The following TREML4 variants were observed in gnomAD, a reference collection of about 807,000 sequenced individuals.
TREML4 encodes the protein trem-like transcript 4 protein.
A neutral mutation model predicts 25.4 loss-of-function variants in TREML4; 25 were observed. The observed-to-expected ratio is 0.98, with a 90% CI of 0.72 to 1.37. The LOEUF is 1.37. TREML4 is among the 40% of genes most tolerant of loss of function. The pLI, the probability that TREML4 is intolerant of heterozygous loss-of-function variation, is 0.00. For missense variants in TREML4, 268 were observed against 236.5 expected (o/e 1.13, Z -0.87); for synonymous variants, 92 against 87.9 (o/e 1.05, Z -0.26).
At position 41,237,526 on chromosome 6, in the gene TREML4, A is replaced by G. The variant is rs112818527; in HGVS notation, c.*507A>G. On this transcript the variant is annotated 3_prime_UTR_variant, in exon 6 of 6. Transcript: ENST00000341495. ...TATGAATTTCCTCTTGTGCTTAATT[A>G]AATTCAACCTCTGAACTGAAATGTG... 2.3e-3 allele frequency: 348 copies of G among 152,338 alleles called. 2 individuals are homozygous for G. Among genetic ancestry groups the G allele is most frequent in the African/African-American group, 8.1e-3 (335 of 41,576 alleles). The allele number at this position is 152,338 out of a possible 1,614,324, so 9.4% of individuals were successfully genotyped here.
intron 5 of TREML4, among the ~76,000 whole-genome samples, 178 bp from the exon 6 acceptor site, chr6:41,236,877 T>C (rs1766915535): frequency 6.8e-6 from 1 of 147,584 alleles, no homozygotes; most frequent in South Asian, 2.1e-4. Context: ...AGGACAAAGC[T>C]GAGAGTGCCT....
At chr6:41,234,317 T>C (rs1353232678) in intron 4 of TREML4, among the ~76,000 whole-genome samples, 1 of 152,034 alleles carries the variant, frequency 6.6e-6, no homozygotes, top group Non-Finnish European at 1.5e-5. Context: ...AGGGAGTAAT[T>C]AGTACCTTTG....
At chr6:41,236,856 A>G (rs1459934749) in intron 5 of TREML4, among the ~76,000 whole-genome samples, 199 bp from the exon 6 acceptor site, 2 of 152,106 alleles carry the variant, frequency 1.3e-5, no homozygotes, top group African/African-American at 2.4e-5. Context: ...CCTGAGAGGA[A>G]AAAGACCAGG....
rs199833572 is a variant in TREML4, at chr6:41,229,547, C to G, written c.421C>G (p.Leu141Val). 2 of 1,613,950 alleles carry G rather than the reference C, an allele frequency of 1.2e-6. No homozygotes were observed. The highest frequency in any genetic ancestry group is 2.7e-5 in the African/African-American group (2 of 75,008). ...CCCAACCACGTCTCCTATGTGGACT[C>G]TTCCCTGGCTCCCAACAAGCACAGG... Reference protein sequence around the residue: ...PAPTTSPMWTLPWLPTSTVLI... With the variant: ...PAPTTSPMWTVPWLPTSTVLI... The change falls in exon 3 of 6, where the codon CTT (leucine) becomes GTT (valine). Residue 141 changes from leucine (L) to valine (V), a missense_variant. Coordinates refer to ENST00000341495, the MANE Select transcript of TREML4 (RefSeq NM_198153.3).
intron 4 of TREML4, chr6:41,232,627 A>C (rs2113940646): frequency 6.5e-6 from 1 of 154,430 alleles, no homozygotes; most frequent in East Asian, 1.9e-4. Context: ...CATAATGTAG[A>C]GTCTATGGGA....
chr6:41,229,114 C>T, intron 2 of TREML4, 70 bp downstream of exon 2: 2 of 1,315,350 alleles, frequency 1.5e-6, no homozygotes, highest in Admixed American at 1.9e-5. Context: ...TCATGCACCC[C>T]CTCCCATGCC....
Position 41,230,136 on chromosome 6 carries a change from T to C in TREML4, c.506+14T>C, listed in dbSNP as rs1367425776. 1 of 1,600,386 alleles carries C rather than the reference T, an allele frequency of 6.2e-7. No homozygotes were observed. Among genetic ancestry groups the C allele is most frequent in the Non-Finnish European group, 8.6e-7 (1 of 1,167,846 alleles). ...CTCTGAGACCAGGTAGGTCAGAGGT[T>C]TTAACACTGGGAGGGAGGTCTTGGG... On this transcript the variant is annotated intron_variant, in intron 4 of 5. Transcript: ENST00000341495.
rs1766744600 is a variant in TREML4 at position 41,229,516 on chromosome 6, T to C, written c.395-5T>C. On this transcript the variant is annotated splice_polypyrimidine_tract_variant and splice_region_variant and intron_variant, in intron 2 of 5. Coordinates refer to ENST00000341495, the MANE Select transcript of TREML4 (RefSeq NM_198153.3). Reference sequence around the variant, plus strand: ...GAGTCATTGTCTGCTGTCTTTTCTCTTTAGCCCCAACCACGTCTCCTATGT... The same window carrying C: ...GAGTCATTGTCTGCTGTCTTTTCTCCTTAGCCCCAACCACGTCTCCTATGT... 1 of 1,613,690 alleles carries C rather than the reference T, an allele frequency of 6.2e-7. No individual in the cohort carries two copies. Among genetic ancestry groups the C allele is most frequent in the Admixed American group, 1.7e-5 (1 of 59,982 alleles).
In TREML4 at chr6:41,229,543, G is replaced by A; in HGVS notation, c.417G>A (p.Trp139Ter). The A allele has an allele frequency of 6.2e-7, 1 of 1,613,806 alleles. No individual in the cohort carries two copies. Among genetic ancestry groups the A allele is most frequent in the Non-Finnish European group, 8.5e-7 (1 of 1,179,884 alleles). Residue 139 changes from tryptophan to a stop codon, truncating the protein, a stop_gained, in exon 3 of 6, where the codon TGG (tryptophan) becomes TGA (stop). Transcript: ENST00000341495. LOFTEE classifies it high-confidence loss of function. Reference sequence around the variant, plus strand: ...TAGCCCCAACCACGTCTCCTATGTGGACTCTTCCCTGGCTCCCAACAAGCA... The same window carrying A: ...TAGCCCCAACCACGTCTCCTATGTGAACTCTTCCCTGGCTCCCAACAAGCA... Reference protein sequence around the residue: ...VSPAPTTSPMWTLPWLPTSTV... With the variant: ...VSPAPTTSPM
intron 4 of TREML4, among the ~76,000 whole-genome samples, chr6:41,233,181 C>T (rs929741382): frequency 2.6e-5 from 4 of 151,788 alleles, no homozygotes; most frequent in South Asian, 2.1e-4. Flanking sequence ...AAAGGAAAGT[C>T]GGAATCGAAT....
chr6:41,234,770 A>T (rs552390497), intron 4 of TREML4, among the ~76,000 whole-genome samples: 1 of 151,644 alleles, frequency 6.6e-6, no homozygotes, highest in East Asian at 1.9e-4. Context: ...TGTGGTTTTC[A>T]GGTAACCCAA....
At chr6:41,234,474 T>A (rs990691399) in intron 4 of TREML4, among the ~76,000 whole-genome samples, 1 of 151,942 alleles carries the variant, frequency 6.6e-6, no homozygotes, top group African/African-American at 2.4e-5. Flanking sequence ...CATAATTCAT[T>A]CTTTAAAAGT....
chr6:41,229,959 C>A, intron 3 of TREML4, 103 bp from the exon 4 acceptor site: 1 of 967,044 alleles, frequency 1.0e-6, no homozygotes. Flanking sequence ...CCCTTAGGGG[C>A]TGCCTCTGGC....
At chr6:41,236,734 A>C (rs1222175314) in intron 5 of TREML4, 117 bp downstream of exon 5, 1 of 603,606 alleles carries the variant, frequency 1.7e-6, no homozygotes, top group Non-Finnish European at 2.9e-6. Context: ...ACAGCTGGGA[A>C]CAATTTAAAA....
At chr6:41,235,814 A>G (rs745875122) in intron 4 of TREML4, among the ~76,000 whole-genome samples, 22 of 152,042 alleles carry the variant, frequency 1.4e-4, no homozygotes, top group Non-Finnish European at 2.9e-4. Context: ...TATATGAAAA[A>G]GGAAGATACA....
In TREML4 at chr6:41,236,611, G is replaced by T. The variant is rs770170022; in HGVS notation, c.*29G>T. ...CTGTTAGTGCTCCTGATCTGCAGGT[G>T]CCACAGGTGAGGGGGCCTGGATTTC... On this transcript the variant is annotated 3_prime_UTR_variant, in exon 5 of 6. Coordinates refer to ENST00000341495, the MANE Select transcript of TREML4 (RefSeq NM_198153.3). The T allele has an allele frequency of 6.3e-7, 1 of 1,576,218 alleles. No homozygotes were observed. Among genetic ancestry groups the T allele is most frequent in the Non-Finnish European group, 8.7e-7 (1 of 1,146,332 alleles).
Position 41,230,133 on chromosome 6 carries a change from G to A in TREML4, c.506+11G>A, listed in dbSNP as rs1397432639. On this transcript the variant is annotated intron_variant, in intron 4 of 5. Transcript: ENST00000341495. ...TGGCTCTGAGACCAGGTAGGTCAGA[G>A]GTTTTAACACTGGGAGGGAGGTCTT... The A allele has an allele frequency of 1.9e-6, 3 of 1,603,268 alleles. No individual in the cohort carries two copies. The highest frequency in any genetic ancestry group is 1.7e-6 in the Non-Finnish European group (2 of 1,170,286).
chr6:41,231,434 A>G (rs955931713), intron 4 of TREML4, among the ~76,000 whole-genome samples: 1 of 152,002 alleles, frequency 6.6e-6, no homozygotes, highest in African/African-American at 2.4e-5. Flanking sequence ...CAAAATACCT[A>G]GGCTCTTAGT....
chr6:41,230,156 C>T (rs1256261667), intron 4 of TREML4, 34 bp downstream of exon 4: 1 of 1,553,370 alleles, frequency 6.4e-7, no homozygotes. Flanking sequence ...GGAGGGAGGT[C>T]TTGGGAAGGG....
Sources: gnomAD v4.1 joint callset for allele counts (sites outside exome capture counted in the v4.1 genomes callset) on GRCh38, gnomAD v4.1.1 for gene constraint, MANE v1.5 for transcripts, NCBI Gene and HGNC (gene_info 2026-07-23, HGNC 2026-07-21) for gene names.